Variants in VTI1A observed in about 807,000 individuals in gnomAD.
VTI1A encodes vesicle transport through interaction with t-SNAREs homolog 1A.
In VTI1A, 22 loss-of-function variants were observed where a neutral mutation model predicts 34.9. The ratio of observed to expected loss-of-function variants is 0.63; its 90% CI spans 0.45 to 0.90. VTI1A has a LOEUF of 0.90. Among genes scored for constraint, VTI1A ranks in the 40% least tolerant of loss-of-function variants. The pLI is 0.00. For synonymous variants in VTI1A, 87 were observed against 97.3 expected, an observed-to-expected ratio of 0.89 and a Z score of 0.62; for missense variants, 268 against 275.6, an observed-to-expected ratio of 0.97 and a Z score of 0.20.
the VTI1A span, among the ~76,000 whole-genome samples, chr10:112,847,823 T>A: frequency 3.9e-5 from 6 of 152,212 alleles, no homozygotes; most frequent in African/African-American, 1.2e-4. Context: ...ATTTATTCAT[T>A]CTACCATTGA....
At chr10:112,760,742 A>G (rs1851432975) in intron 7 of VTI1A, among the ~76,000 whole-genome samples, 1 of 152,136 alleles carries the variant, frequency 6.6e-6, no homozygotes, top group African/African-American at 2.4e-5. Flanking sequence ...CACAAAAATT[A>G]GCTGGGCATG....
chr10:112,829,444 GAA>G, the VTI1A span, among the ~76,000 whole-genome samples: 1 of 131,938 alleles, frequency 7.6e-6, no homozygotes. Flanking sequence ...ACTCCGTCTC[GAA>G]AAAAAAAAAA....
chr10:112,753,932 T>G (rs1346364521), intron 7 of VTI1A, among the ~76,000 whole-genome samples: 2 of 152,048 alleles, frequency 1.3e-5, no homozygotes, highest in South Asian at 2.1e-4. Flanking sequence ...CCATCAAGTC[T>G]AAAACTGTAA....
intron 7 of VTI1A, among the ~76,000 whole-genome samples, chr10:112,715,046 T>C (rs1164620803): frequency 2.0e-5 from 3 of 152,226 alleles, no homozygotes; most frequent in Non-Finnish European, 4.4e-5. Flanking sequence ...AACTTTGAAA[T>C]CAGGGTTAAA....
chr10:112,835,086 G>A, the VTI1A span, among the ~76,000 whole-genome samples: 4 of 152,200 alleles, frequency 2.6e-5, no homozygotes, highest in Non-Finnish European at 4.4e-5. Flanking sequence ...CACAGGGCCC[G>A]TGCGCTTCTC....
rs2134097876 is a variant in VTI1A at position 112,816,263 on chromosome 10, A to G, written c.*880A>G. ...GTCTGACAAGGTTCTCTCCACATAC[A>G]TTCCAGTATGTAAAGAGACCATGAA... On this transcript the variant is annotated 3_prime_UTR_variant, in exon 8 of 8. Transcript: ENST00000393077. The G allele has an allele frequency of 4.6e-6, 1 of 215,192 alleles. No individual in the cohort carries two copies. The highest frequency in any genetic ancestry group is 9.4e-6 in the Non-Finnish European group (1 of 106,546). 13.3% of individuals were successfully genotyped at this position (215,192 alleles called of 1,614,324 possible). A position where few individuals can be genotyped will look rare whatever the true frequency, so the allele number is the denominator to read the frequency against.
rs1853566993 is a variant in VTI1A, at chr10:112,817,793, G to A, written c.*2410G>A. On this transcript the variant is annotated 3_prime_UTR_variant, in exon 8 of 8. Transcript: ENST00000393077. ...AGAGGTTCTAGGTACTTAGTGTGTA[G>A]ACTTTGACGAATATTTCTCAAGTTG... 2 of 231,966 alleles carry A rather than the reference G, an allele frequency of 8.6e-6. No homozygotes were observed. The highest frequency in any genetic ancestry group is 1.7e-5 in the Non-Finnish European group (2 of 117,190). 14.4% of individuals were successfully genotyped at this position (231,966 alleles called of 1,614,324 possible).
At chr10:112,679,016 C>T (rs1429222137) in intron 7 of VTI1A, among the ~76,000 whole-genome samples, 3 of 152,000 alleles carry the variant, frequency 2.0e-5, no homozygotes, top group Admixed American at 2.0e-4. Context: ...TTTTATTATG[C>T]GGCAATTGAT....
chr10:112,731,041 C>G (rs1034342704), intron 7 of VTI1A, among the ~76,000 whole-genome samples: 1 of 152,066 alleles, frequency 6.6e-6, no homozygotes. Context: ...CAGTTTTTCA[C>G]TAGTAAATAT....
At chr10:112,733,044 C>T (rs997121134) in intron 7 of VTI1A, among the ~76,000 whole-genome samples, 2 of 152,152 alleles carry the variant, frequency 1.3e-5, no homozygotes, top group Admixed American at 6.5e-5. Context: ...TGATTCTGCT[C>T]AGTGCATGGG....
intron 7 of VTI1A, 62 bp from the exon 8 acceptor site, chr10:112,815,228 G>T: frequency 1.7e-6 from 2 of 1,210,020 alleles, no homozygotes; most frequent in South Asian, 2.7e-5. Context: ...GGCCTCGGAC[G>T]GCGTTTGTGG....
At chr10:112,488,037 T>C (rs1375143846) in intron 3 of VTI1A, among the ~76,000 whole-genome samples, 1 of 152,144 alleles carries the variant, frequency 6.6e-6, no homozygotes, top group East Asian at 1.9e-4. Flanking sequence ...GCTTATTGGG[T>C]CACATTTCAT....
chr10:112,671,118 A>G (rs1229552135), intron 7 of VTI1A, among the ~76,000 whole-genome samples: 2 of 152,176 alleles, frequency 1.3e-5, no homozygotes, highest in African/African-American at 4.8e-5. Context: ...CTCATGGAAA[A>G]GCTCTCTCTA....
rs778802494 is a variant in VTI1A at position 112,736,111 on chromosome 10, G to GTGTGTATATATATA, written c.560+67114_560+67115insGTGTATATATATAT. 8.3e-4 allele frequency among the ~76,000 whole-genome samples: 96 copies of GTGTGTATATATATA among 116,196 alleles called. 1 individual carries two copies. The highest frequency in any genetic ancestry group is 3.4e-3 in the African/African-American group (90 of 26,746). The allele number at this position is 116,196 out of a possible 152,430, so 76.2% of individuals were successfully genotyped here. ...ATATTTTACATATATATGTGTGTGTGTATATATATATATATATATATATAT... is the reference window on the plus strand; with the variant it reads ...ATATTTTACATATATATGTGTGTGTGTGTGTATATATATATATATATATATATATATATATATAT... On this transcript the variant is annotated intron_variant, in intron 7 of 7. Transcript: ENST00000393077.
At chr10:112,846,247 T>C in the VTI1A span, among the ~76,000 whole-genome samples, 1 of 152,210 alleles carries the variant, frequency 6.6e-6, no homozygotes, top group African/African-American at 2.4e-5. Flanking sequence ...GATCTCCTCT[T>C]GAACTGCATT....
At chr10:112,509,045 CT>C (rs1429989568) in intron 3 of VTI1A, among the ~76,000 whole-genome samples, 1 of 152,180 alleles carries the variant, frequency 6.6e-6, no homozygotes, top group African/African-American at 2.4e-5. Context: ...TCTAAAGTGA[CT>C]GTGTTGGACA....
At chr10:112,586,044 A>C (rs983103257) in intron 5 of VTI1A, among the ~76,000 whole-genome samples, 1 of 152,094 alleles carries the variant, frequency 6.6e-6, no homozygotes, top group African/African-American at 2.4e-5. Flanking sequence ...TCGATTGCTG[A>C]AAAAACCCAG....
intron 3 of VTI1A, among the ~76,000 whole-genome samples, chr10:112,480,657 G>A (rs1848432130): frequency 6.6e-6 from 1 of 152,168 alleles, no homozygotes; most frequent in Non-Finnish European, 1.5e-5. Flanking sequence ...GAAGCAGGGT[G>A]TAGTCAGGTT....
intron 7 of VTI1A, among the ~76,000 whole-genome samples, chr10:112,803,576 C>G (rs932293607): frequency 6.6e-6 from 1 of 152,230 alleles, no homozygotes; most frequent in African/African-American, 2.4e-5. Flanking sequence ...ATCTCTTCCC[C>G]TCTCACAGCC....
Sources: gnomAD v4.1 joint callset for allele counts (sites outside exome capture counted in the v4.1 genomes callset) on GRCh38, gnomAD v4.1.1 for gene constraint, MANE v1.5 for transcripts, NCBI Gene and HGNC (gene_info 2026-07-23, HGNC 2026-07-21) for gene names.